Variants in XPO7 observed in about 807,000 individuals in gnomAD.
The protein encoded by XPO7 is exportin-7.
In XPO7, 21 loss-of-function variants were observed where a neutral mutation model predicts 144.3. The observed-to-expected ratio is 0.15, with a 90% confidence interval of 0.10 to 0.21. XPO7 has a LOEUF of 0.21. XPO7 is among the 10% of genes least tolerant of loss of function. The pLI is 1.00. For synonymous variants in XPO7, 580 were observed against 499.6 expected, an observed-to-expected ratio of 1.16 and a Z score of -2.15; for missense variants, 808 against 1,325.8, an observed-to-expected ratio of 0.61 and a Z score of 6.06.
chr8:21,972,452 G>A (rs1263260726), intron 5 of XPO7, among the ~76,000 whole-genome samples: 5 of 152,132 alleles, frequency 3.3e-5, no homozygotes, highest in African/African-American at 1.2e-4. Flanking sequence ...ACTCCAGCTT[G>A]GGCAACAAGA....
At chr8:21,987,059 C>T (rs769093615) in intron 13 of XPO7, 82 bp from the exon 14 acceptor site, 2 of 1,584,196 alleles carry the variant, frequency 1.3e-6, no homozygotes, top group South Asian at 1.2e-5. Context: ...CAGGCATATA[C>T]GACCATGTCA....
chr8:21,933,835 A>G (rs545759683), intron 1 of XPO7, among the ~76,000 whole-genome samples: 37 of 152,292 alleles, frequency 2.4e-4, no homozygotes, highest in Non-Finnish European at 3.4e-4. Context: ...GCTAGGAAAA[A>G]ATCTTAGAGT....
intron 1 of XPO7, among the ~76,000 whole-genome samples, chr8:21,920,884 G>C (rs775543755): frequency 7.9e-5 from 12 of 152,188 alleles, no homozygotes; most frequent in Admixed American, 2.0e-4. Context: ...TAAGAAGAAT[G>C]ATCTCATTCT....
At chr8:21,935,963 G>A (rs1477215334) in intron 1 of XPO7, among the ~76,000 whole-genome samples, 1 of 152,030 alleles carries the variant, frequency 6.6e-6, no homozygotes, top group Admixed American at 6.6e-5. Context: ...AAACCTTTTT[G>A]TGGAGTATTT....
At chr8:21,996,866 GGC>G (rs1812966619) in intron 21 of XPO7, among the ~76,000 whole-genome samples, 2 of 152,242 alleles carry the variant, frequency 1.3e-5, no homozygotes, top group African/African-American at 4.8e-5. Context: ...GAAGTACAGT[GGC>G]GCAGTCTTGG....
intron 1 of XPO7, among the ~76,000 whole-genome samples, chr8:21,937,894 T>G (rs879918825): frequency 6.6e-6 from 1 of 152,172 alleles, no homozygotes; most frequent in Non-Finnish European, 1.5e-5. Flanking sequence ...TAGATACAAA[T>G]TTTGCATTAA....
intron 1 of XPO7, among the ~76,000 whole-genome samples, chr8:21,928,635 A>G (rs1458245916): frequency 6.6e-6 from 1 of 152,196 alleles, no homozygotes; most frequent in Non-Finnish European, 1.5e-5. Flanking sequence ...CATGTTGAGT[A>G]TCTCTTCATG....
intron 1 of XPO7, among the ~76,000 whole-genome samples, chr8:21,942,102 T>C (rs998131177): frequency 2.0e-5 from 3 of 152,218 alleles, no homozygotes; most frequent in Non-Finnish European, 4.4e-5. Flanking sequence ...CTGGAGAAGA[T>C]ACAAAGGTAG....
intron 1 of XPO7, among the ~76,000 whole-genome samples, chr8:21,928,524 C>T (rs146961247): frequency 9.2e-5 from 14 of 152,302 alleles, no homozygotes; most frequent in African/African-American, 3.4e-4. Context: ...AATGACTGTA[C>T]CTCGAGTTAT....
chr8:21,931,753 T>A (rs551389270), intron 1 of XPO7, among the ~76,000 whole-genome samples: 1 of 152,218 alleles, frequency 6.6e-6, no homozygotes, highest in Non-Finnish European at 1.5e-5. Flanking sequence ...GTTTTGTCTC[T>A]CCATCCCATG....
intron 1 of XPO7, among the ~76,000 whole-genome samples, chr8:21,948,020 G>A (rs2117282848): frequency 6.6e-6 from 1 of 152,264 alleles, no homozygotes; most frequent in African/African-American, 2.4e-5. Context: ...AGAGACCAGA[G>A]GATTCTCATT....
At position 21,995,692 on chromosome 8, in the gene XPO7, A is replaced by G. The variant is rs982550443; in HGVS notation, c.2345+93A>G. On this transcript the variant is annotated intron_variant, in intron 21 of 27. Coordinates refer to ENST00000252512, the MANE Select transcript of XPO7 (RefSeq NM_015024.5). ...TGCTTTGGGCAGATTGTGGGAAATA[A>G]TAAGATTCACTACTGCATTTTAAAA... The G allele has an allele frequency of 9.1e-6, 9 of 991,612 alleles. No homozygotes were observed. The African/African-American group carries it at 1.3e-4, about 14-fold the overall frequency. 61.4% of individuals were successfully genotyped at this position (991,612 alleles called of 1,614,324 possible). A position where few individuals can be genotyped will look rare whatever the true frequency, so the allele number is the denominator to read the frequency against.
At chr8:21,931,430 C>T (rs1221144516) in intron 1 of XPO7, among the ~76,000 whole-genome samples, 2 of 152,128 alleles carry the variant, frequency 1.3e-5, no homozygotes, top group African/African-American at 4.8e-5. Flanking sequence ...CAGTCGTGAG[C>T]CACCGTACCT....
Position 22,005,047 on chromosome 8 carries a change from A to T in XPO7, c.3223A>T (p.Asn1075Tyr). The T allele has an allele frequency of 1.9e-6, 3 of 1,613,360 alleles. No individual in the cohort carries two copies. The highest frequency in any genetic ancestry group is 2.5e-6 in the Non-Finnish European group (3 of 1,179,616). Reference protein sequence around the residue: ...FRREVNDSMKNSTYGVNSNDM... With the variant: ...FRREVNDSMKYSTYGVNSNDM... ...TCGAGAAGTCAACGACTCAATGAAGAATTCCACTTATGGCGTGAATAGCAA... is the reference window on the plus strand; with the variant it reads ...TCGAGAAGTCAACGACTCAATGAAGTATTCCACTTATGGCGTGAATAGCAA... The change falls in exon 28 of 28, where the codon AAT becomes TAT. Residue 1075 changes from asparagine (N) to tyrosine (Y), a missense_variant. Asn to Tyr is a moderately radical substitution (Grantham distance 143). Around this residue, in one of 5 missense-constraint regions of XPO7, gnomAD observed 140 missense variants for 237.9 expected, o/e 0.59. Transcript: ENST00000252512.
rs921394406 is a variant in XPO7 at position 21,963,111 on chromosome 8, T to C, written c.19-3746T>C. On this transcript the variant is annotated intron_variant, in intron 1 of 27. Transcript: ENST00000252512. ...TTTGTGGCATTCGAATTATGATAATTCAGCTACAAAATTGGTAAATCTACT... is the reference window on the plus strand; with the variant it reads ...TTTGTGGCATTCGAATTATGATAATCCAGCTACAAAATTGGTAAATCTACT... 2.6e-5 allele frequency among the ~76,000 whole-genome samples: 4 copies of C among 152,222 alleles called. No homozygotes were observed. In the South Asian group the frequency reaches 8.3e-4, roughly 32 times the overall value.
intron 1 of XPO7, among the ~76,000 whole-genome samples, chr8:21,963,255 C>T (rs759894595): frequency 1.3e-5 from 2 of 152,118 alleles, no homozygotes; most frequent in South Asian, 2.1e-4. Context: ...AGAACACCTG[C>T]GGATCTGACT....
At chr8:21,971,117 C>T (rs373839678) in intron 4 of XPO7, among the ~76,000 whole-genome samples, 200 of 152,264 alleles carry the variant, frequency 1.3e-3, no homozygotes, top group Middle Eastern at 3.4e-3. Flanking sequence ...GTTATAGTTG[C>T]CCACAGTATA....
chr8:21,956,664 C>G (rs564685464), intron 1 of XPO7, among the ~76,000 whole-genome samples: 83 of 151,428 alleles, frequency 5.5e-4, no homozygotes, highest in Middle Eastern at 3.4e-3. Flanking sequence ...TCCCACCTTT[C>G]AATAGAATAT....
At chr8:21,987,079 G>A in intron 13 of XPO7, 62 bp from the exon 14 acceptor site, 6 of 1,606,572 alleles carry the variant, frequency 3.7e-6, no homozygotes, top group Non-Finnish European at 4.2e-6. Context: ...AAGATAGCTT[G>A]GGTTGTCTAG....
Sources: gnomAD v4.1 joint callset for allele counts (sites outside exome capture counted in the v4.1 genomes callset) on GRCh38, gnomAD v4.1.1 for gene constraint, gnomAD v4.1.1 regional missense constraint, MANE v1.5 for transcripts, NCBI Gene and HGNC (gene_info 2026-07-23, HGNC 2026-07-21) for gene names.